The following GPD2 variants were observed in gnomAD, a reference collection of about 807,000 sequenced individuals.
GPD2 encodes the protein glycerol-3-phosphate dehydrogenase 2, also known as glycerol-3-phosphate dehydrogenase, mitochondrial.
In GPD2, 54 loss-of-function variants were observed where a neutral mutation model predicts 82.4. That is an observed-to-expected ratio of 0.66 (90% CI 0.53 to 0.82). The LOEUF (loss-of-function observed/expected upper bound fraction) is 0.82, where lower values mean the gene tolerates loss of function less well. Among genes scored for constraint, GPD2 ranks in the 40% least tolerant of loss-of-function variants. The pLI is 0.00. For synonymous variants in GPD2, 288 were observed against 306.1 expected (o/e 0.94, Z 0.62); for missense variants, 748 against 896.2 (o/e 0.83, Z 2.11).
chr2:156,466,942 G>T (rs1178992480), intron 1 of GPD2, among the ~76,000 whole-genome samples: 1 of 152,126 alleles, frequency 6.6e-6, no homozygotes, highest in African/African-American at 2.4e-5. Flanking sequence ...GCTGAGAAGT[G>T]GTCCTGGGCC....
intron 1 of GPD2, among the ~76,000 whole-genome samples, chr2:156,444,163 G>A (rs374469718): frequency 6.6e-6 from 1 of 152,176 alleles, no homozygotes; most frequent in Non-Finnish European, 1.5e-5. Context: ...TGGCCACTGG[G>A]TTCTGTTTGC....
intron 1 of GPD2, among the ~76,000 whole-genome samples, chr2:156,451,896 C>T (rs1344540940): frequency 3.3e-5 from 5 of 150,424 alleles, no homozygotes; most frequent in East Asian, 2.0e-4. Flanking sequence ...CGGGCAGAGA[C>T]GCTCCTCACC....
intron 6 of GPD2, among the ~76,000 whole-genome samples, chr2:156,535,140 G>C (rs935468743): frequency 2.0e-5 from 3 of 152,004 alleles, no homozygotes; most frequent in African/African-American, 7.3e-5. Flanking sequence ...GAGGAGTTTA[G>C]TTTGAATTCT....
At chr2:156,493,269 A>G (rs1339079249) in intron 2 of GPD2, among the ~76,000 whole-genome samples, 2 of 152,174 alleles carry the variant, frequency 1.3e-5, no homozygotes, top group Non-Finnish European at 2.9e-5. Flanking sequence ...ATTTGGTGGC[A>G]TAGTTGGCAT....
chr2:156,533,223 C>T (rs1283402531), intron 6 of GPD2, among the ~76,000 whole-genome samples: 1 of 152,174 alleles, frequency 6.6e-6, no homozygotes, highest in Admixed American at 6.5e-5. Context: ...CCCTGAAGAG[C>T]ACTTAGCTAG....
At chr2:156,526,794 G>T (rs770392129) in intron 6 of GPD2, among the ~76,000 whole-genome samples, 1 of 152,102 alleles carries the variant, frequency 6.6e-6, no homozygotes, top group Non-Finnish European at 1.5e-5. Flanking sequence ...TGGAAACAAG[G>T]AGAGGAGGAA....
chr2:156,404,651 G>A, the GPD2 span, among the ~76,000 whole-genome samples: 2 of 135,898 alleles, frequency 1.5e-5, no homozygotes, highest in Non-Finnish European at 3.1e-5. Flanking sequence ...GACCAGCCTG[G>A]CCAATGTGTG....
chr2:156,471,682 T>C (rs551122045), intron 1 of GPD2, among the ~76,000 whole-genome samples: 1 of 152,186 alleles, frequency 6.6e-6, no homozygotes, highest in African/African-American at 2.4e-5. Flanking sequence ...ACTGAAGCCT[T>C]CTTTAATTCT....
At chr2:156,522,566 T>G (rs1685448367) in intron 6 of GPD2, among the ~76,000 whole-genome samples, 1 of 152,222 alleles carries the variant, frequency 6.6e-6, no homozygotes, top group Non-Finnish European at 1.5e-5. Context: ...AAAAAATATT[T>G]ATGGAACCTC....
At chr2:156,466,572 TTAAA>T (rs1194972155) in intron 1 of GPD2, among the ~76,000 whole-genome samples, 1 of 152,214 alleles carries the variant, frequency 6.6e-6, no homozygotes, top group Non-Finnish European at 1.5e-5. Context: ...AAATCGGGTC[TTAAA>T]TAATGCATCA....
At chr2:156,407,484 ACTGT>A in the GPD2 span, among the ~76,000 whole-genome samples, 2 of 152,140 alleles carry the variant, frequency 1.3e-5, no homozygotes, top group South Asian at 4.1e-4. Context: ...CATTTTTTAA[ACTGT>A]CTTTTATGGA....
At chr2:156,519,577 T>C (rs1463862885) in intron 6 of GPD2, among the ~76,000 whole-genome samples, 12 of 152,268 alleles carry the variant, frequency 7.9e-5, no homozygotes, top group African/African-American at 2.9e-4. Flanking sequence ...AGGTTTAAAA[T>C]TATGTAAATA....
intron 6 of GPD2, among the ~76,000 whole-genome samples, chr2:156,517,365 G>A (rs1430397072): frequency 1.3e-5 from 2 of 152,176 alleles, no homozygotes; most frequent in Non-Finnish European, 2.9e-5. Flanking sequence ...TCACATAAAT[G>A]GAGGAATAAC....
rs764546939 is a variant in GPD2, at chr2:156,510,824, T to C, written c.303T>C (p.Asp101=). ...RGLKTALVER[D]DFSSGTSSRS... ...TAAAAACAGCCCTTGTAGAAAGAGA[T>C]GATTTCTCATCAGGGACCAGCAGCA... is the stretch of plus-strand genomic sequence containing the variant. Residue 101 remains aspartate (D), a synonymous_variant, in exon 4 of 17, where the codon GAT becomes GAC. Coordinates refer to ENST00000438166, the MANE Select transcript of GPD2 (RefSeq NM_000408.5). The C allele has an allele frequency of 2.5e-6, 4 of 1,613,182 alleles. No homozygotes were observed. Among genetic ancestry groups the C allele is most frequent in the Middle Eastern group, 1.7e-4 (1 of 6,056 alleles).
chr2:156,546,399 T>C (rs1364141276), intron 6 of GPD2, among the ~76,000 whole-genome samples: 1 of 152,160 alleles, frequency 6.6e-6, no homozygotes, highest in Admixed American at 6.6e-5. Context: ...TAGAGTTACC[T>C]TTCAAAATGT....
At chr2:156,466,219 T>C (rs1397418400) in intron 1 of GPD2, among the ~76,000 whole-genome samples, 3 of 152,224 alleles carry the variant, frequency 2.0e-5, no homozygotes, top group Non-Finnish European at 4.4e-5. Context: ...CGTGAATATA[T>C]CTGGAGTGAT....
chr2:156,408,567 A>T, the GPD2 span, among the ~76,000 whole-genome samples: 2 of 151,698 alleles, frequency 1.3e-5, no homozygotes, highest in African/African-American at 4.8e-5. Flanking sequence ...CCTGCCCATG[A>T]TCTCTACAAA....
the GPD2 span, among the ~76,000 whole-genome samples, chr2:156,404,793 G>A: frequency 6.7e-6 from 1 of 150,328 alleles, no homozygotes; most frequent in South Asian, 2.1e-4. Flanking sequence ...GGCAGAGATT[G>A]CGATGAGCCA....
chr2:156,522,973 A>G (rs563390970), intron 6 of GPD2, among the ~76,000 whole-genome samples: 1 of 151,894 alleles, frequency 6.6e-6, no homozygotes, highest in South Asian at 2.1e-4. Context: ...CAAAATTGAG[A>G]GAAAGGTACA....
Sources: allele counts gnomAD v4.1 joint callset (sites outside exome capture counted in the v4.1 genomes callset), GRCh38; gene constraint gnomAD v4.1.1; transcripts MANE v1.5; gene names NCBI Gene and HGNC (gene_info 2026-07-23, HGNC 2026-07-21).